Variants in COL4A2 observed in about 807,000 individuals in gnomAD.
COL4A2 encodes the protein collagen alpha-2(IV) chain.
In COL4A2, 99 loss-of-function variants were observed where a neutral mutation model predicts 200.2. That is an observed-to-expected ratio of 0.49 (90% CI 0.42 to 0.58). COL4A2 has a LOEUF of 0.58. COL4A2 is among the 20% of genes least tolerant of loss of function. The pLI is 0.00. For missense variants in COL4A2, 1,950 were observed against 2,314.1 expected, an observed-to-expected ratio of 0.84 and a Z score of 3.23; for synonymous variants, 897 against 900.6, an observed-to-expected ratio of 1.00 and a Z score of 0.07.
rs575714050 is a variant in COL4A2 at position 110,338,439 on chromosome 13, G to A, written c.100-19033G>A. On this transcript the variant is annotated intron_variant, in intron 3 of 47. Transcript: ENST00000360467. ...GACACAGAAAATGTTGTGTGTGGGGGGGGGTGGGGGTAAAATGCTCCCCCT... is the reference window on the plus strand; with the variant it reads ...GACACAGAAAATGTTGTGTGTGGGGAGGGGTGGGGGTAAAATGCTCCCCCT... Among the ~76,000 whole-genome samples, 53 of 149,900 alleles carry A rather than the reference G, an allele frequency of 3.5e-4. No individual in the cohort carries two copies. In the East Asian group the frequency reaches 8.8e-3, roughly 25 times the overall value.
intron 4 of COL4A2, among the ~76,000 whole-genome samples, chr13:110,375,046 A>G (rs1051177104): frequency 8.5e-5 from 13 of 152,250 alleles, no homozygotes; most frequent in African/African-American, 9.6e-5. Context: ...ATCTACTCCA[A>G]TAAGGCACAT....
chr13:110,387,423 A>T (rs997003390), intron 4 of COL4A2, among the ~76,000 whole-genome samples: 6 of 152,194 alleles, frequency 3.9e-5, no homozygotes, highest in Non-Finnish European at 8.8e-5. Context: ...CCCGGACATC[A>T]CGGGCGCTTC....
Position 110,508,155 on chromosome 13 carries a change from G to C in COL4A2, c.4815G>C (p.Gln1605His), listed in dbSNP as rs746358473. The change falls in exon 47 of 48, where the codon CAG becomes CAC. Residue 1605 changes from glutamine to histidine, a missense_variant. By Grantham distance (24) the Gln-to-His change is conservative. Coordinates refer to ENST00000360467, the MANE Select transcript of COL4A2 (RefSeq NM_001846.4). The surrounding 1 kb of genome is among the most constrained non-coding windows in gnomAD (Gnocchi z 6.1). ...APAIAIAVHS[Q>H]DVSIPHCPAG... The stretch of plus-strand genomic sequence containing the variant: ...CCATCGCCATCGCGGTCCACAGTCA[G>C]GATGTCTCCATCCCACACTGCCCAG... 1.9e-6 allele frequency: 3 copies of C among 1,614,268 alleles called. No individual in the cohort carries two copies. The highest frequency in any genetic ancestry group is 2.5e-6 in the Non-Finnish European group (3 of 1,180,048).
chr13:110,393,962 A>G (rs1879090855), intron 4 of COL4A2, among the ~76,000 whole-genome samples: 1 of 152,206 alleles, frequency 6.6e-6, no homozygotes, highest in African/African-American at 2.4e-5. Context: ...ACTCATAGTA[A>G]AAACCTTCCA....
chr13:110,342,144 C>A (rs1876485516), intron 3 of COL4A2, among the ~76,000 whole-genome samples: 1 of 152,266 alleles, frequency 6.6e-6, no homozygotes, highest in East Asian at 1.9e-4. Flanking sequence ...AAGCCAGCTA[C>A]TCATTGAATT....
chr13:110,448,877 T>C (rs1881427893), intron 18 of COL4A2, among the ~76,000 whole-genome samples: 1 of 152,194 alleles, frequency 6.6e-6, no homozygotes, highest in Non-Finnish European at 1.5e-5. Context: ...GCGCAGGGCG[T>C]TGAGTTCCTT....
intron 3 of COL4A2, among the ~76,000 whole-genome samples, chr13:110,347,274 C>A (rs1170678226): frequency 6.6e-6 from 1 of 152,190 alleles, no homozygotes; most frequent in African/African-American, 2.4e-5. Flanking sequence ...CTTCACCTCT[C>A]ATTCATGTGT....
At chr13:110,312,763 A>G (rs1392583921) in intron 3 of COL4A2, among the ~76,000 whole-genome samples, 1 of 152,264 alleles carries the variant, frequency 6.6e-6, no homozygotes, top group African/African-American at 2.4e-5. Context: ...CTTGTGAATC[A>G]GGGACCAGGA....
At chr13:110,343,583 T>C (rs990852453) in intron 3 of COL4A2, among the ~76,000 whole-genome samples, 12 of 152,278 alleles carry the variant, frequency 7.9e-5, no homozygotes, top group Middle Eastern at 6.8e-3. Flanking sequence ...CGCATGGGTG[T>C]GGTGTTGTCC....
chr13:110,458,713 T>C (rs994832703), intron 21 of COL4A2, 58 bp from the exon 22 acceptor site: 2 of 1,606,204 alleles, frequency 1.2e-6, no homozygotes, highest in South Asian at 2.2e-5. Context: ...GATACCCCTC[T>C]CCCCGCCACG....
At chr13:110,345,125 T>C (rs1038371264) in intron 3 of COL4A2, among the ~76,000 whole-genome samples, 1 of 152,180 alleles carries the variant, frequency 6.6e-6, no homozygotes, top group Non-Finnish European at 1.5e-5. Context: ...TTTGACTTTC[T>C]TCTTCCCAAG....
chr13:110,403,378 AT>A (rs1879445551), intron 4 of COL4A2, among the ~76,000 whole-genome samples: 1 of 152,230 alleles, frequency 6.6e-6, no homozygotes, highest in Admixed American at 6.5e-5. Flanking sequence ...TCTGCCAAAT[AT>A]CCTATTTTAT....
At chr13:110,430,740 C>T in intron 10 of COL4A2, 133 bp downstream of exon 10, 1 of 1,246,668 alleles carries the variant, frequency 8.0e-7, no homozygotes, top group Non-Finnish European at 1.2e-6. Context: ...TAGCAGAGAA[C>T]ATCAAGACAA....
intron 40 of COL4A2, 105 bp downstream of exon 40, chr13:110,495,572 G>A (rs1594108633): frequency 2.8e-6 from 4 of 1,442,556 alleles, no homozygotes; most frequent in African/African-American, 2.9e-5. Flanking sequence ...GTGCAGAAGT[G>A]CAGGAAAGAG....
intron 3 of COL4A2, among the ~76,000 whole-genome samples, chr13:110,354,216 T>C (rs1464207766): frequency 1.3e-5 from 2 of 152,184 alleles, no homozygotes; most frequent in African/African-American, 4.8e-5. Context: ...CGCCTGCCCT[T>C]CCCAGACAAC....
intron 32 of COL4A2, among the ~76,000 whole-genome samples, chr13:110,483,529 T>G (rs1467152774): frequency 1.3e-5 from 2 of 152,260 alleles, no homozygotes; most frequent in Non-Finnish European, 2.9e-5. Context: ...GAGTAAAATA[T>G]GGCAGAGCTG....
chr13:110,472,957 T>A lies in COL4A2; in HGVS notation c.2232T>A (p.Gly744=), dbSNP rs564569125. Residue 744 remains glycine, a synonymous_variant, in exon 29 of 48, where the codon GGT becomes GGA. Transcript: ENST00000360467. ...TCATAGGACCCCGAGGATCCAAAGG[T>A]GCAGTGGGCCTCCCTGGCCCAGATG... ...PGFIGPRGSK[G]AVGLPGPDGS... The A allele has an allele frequency of 1.9e-6, 3 of 1,556,570 alleles. No homozygotes were observed. The East Asian group carries it at 7.2e-5, about 37-fold the overall frequency.
At chr13:110,458,194 G>A (rs752729064) in intron 21 of COL4A2, 1 of 458,432 alleles carries the variant, frequency 2.2e-6, no homozygotes, top group South Asian at 1.6e-5. Flanking sequence ...TGGAGGAAGT[G>A]GGGCCTCCCC....
At chr13:110,433,250 G>T (rs1307726708) in intron 11 of COL4A2, among the ~76,000 whole-genome samples, 1 of 152,252 alleles carries the variant, frequency 6.6e-6, no homozygotes, top group African/African-American at 2.4e-5. Context: ...GCAGCCTGGA[G>T]CAGGATGAGA....
Sources: allele counts gnomAD v4.1 joint callset (sites outside exome capture counted in the v4.1 genomes callset), GRCh38; gene constraint gnomAD v4.1.1; non-coding constraint Gnocchi (gnomAD v3.1); transcripts MANE v1.5; gene names NCBI Gene and HGNC (gene_info 2026-07-23, HGNC 2026-07-21).